Variants in TANC2 observed in about 807,000 individuals in gnomAD.
TANC2 encodes protein TANC2.
TANC2 carries 26 observed loss-of-function variants against 210.5 expected under a neutral mutation model. The ratio of observed to expected loss-of-function variants is 0.12; its 90% CI spans 0.09 to 0.17. The LOEUF is 0.17. TANC2 is among the 10% of genes least tolerant of loss of function. The pLI is 1.00. For synonymous variants in TANC2, 931 were observed against 967.1 expected (o/e 0.96, Z 0.69); for missense variants, 2,129 against 2,608.9 (o/e 0.82, Z 4.01).
At chr17:63,362,467 C>T (rs547620311) in intron 14 of TANC2, among the ~76,000 whole-genome samples, 2 of 152,200 alleles carry the variant, frequency 1.3e-5, no homozygotes, top group African/African-American at 4.8e-5. Context: ...GCCTGTCTGC[C>T]TCCTGCCACC....
chr17:63,022,928 T>A (rs2034409808), intron 2 of TANC2, among the ~76,000 whole-genome samples: 1 of 152,196 alleles, frequency 6.6e-6, no homozygotes. Context: ...GTGCCACAGC[T>A]CCAGAGGACG....
chr17:63,195,635 A>G (rs2041321114), intron 6 of TANC2, among the ~76,000 whole-genome samples: 2 of 152,128 alleles, frequency 1.3e-5, no homozygotes, highest in Non-Finnish European at 2.9e-5. Flanking sequence ...TGTCATTACT[A>G]GGTGCACAGT....
At chr17:63,106,217 C>T (rs985049055) in intron 4 of TANC2, among the ~76,000 whole-genome samples, 1 of 151,504 alleles carries the variant, frequency 6.6e-6, no homozygotes, top group Non-Finnish European at 1.5e-5. Flanking sequence ...AGGGTTATTA[C>T]TTAATTCAAT....
In TANC2 at chr17:63,389,549, T is replaced by A; in HGVS notation, c.3051+5T>A. On this transcript the variant is annotated splice_donor_5th_base_variant and intron_variant, in intron 17 of 27. Transcript: ENST00000689528. ...CTGTGCAAGAAACGGGCCAAGGTAC[T>A]GGCTGCCCAGCTCTGCTGCTTTTCT... 1 of 1,600,076 alleles carries A rather than the reference T, an allele frequency of 6.2e-7. No individual in the cohort carries two copies. Among genetic ancestry groups the A allele is most frequent in the Non-Finnish European group, 8.5e-7 (1 of 1,172,686 alleles).
intron 2 of TANC2, among the ~76,000 whole-genome samples, chr17:63,016,971 C>T (rs2034136948): frequency 6.6e-6 from 1 of 152,084 alleles, no homozygotes; most frequent in South Asian, 2.1e-4. Flanking sequence ...ATGTGATTTG[C>T]AAATGTTTTC....
intron 20 of TANC2, 128 bp downstream of exon 20, chr17:63,405,383 G>C: frequency 9.5e-7 from 1 of 1,054,662 alleles, no homozygotes; most frequent in Non-Finnish European, 1.3e-6. Context: ...TTGAGGACTT[G>C]GACCTTTGTT....
At chr17:63,363,936 C>T (rs570219642) in intron 14 of TANC2, among the ~76,000 whole-genome samples, 3 of 152,358 alleles carry the variant, frequency 2.0e-5, no homozygotes, top group East Asian at 1.9e-4. Flanking sequence ...TAATTCTTCT[C>T]TATCTTCCAC....
intron 27 of TANC2, among the ~76,000 whole-genome samples, 200 bp from the exon 28 acceptor site, chr17:63,419,799 G>A (rs765604680): frequency 7.9e-5 from 12 of 152,090 alleles, no homozygotes; most frequent in Non-Finnish European, 4.4e-5. Context: ...GATGGAGGCC[G>A]AATGGGTTAG....
intron 2 of TANC2, among the ~76,000 whole-genome samples, chr17:63,064,910 C>G (rs1176707576): frequency 1.3e-5 from 2 of 150,902 alleles, no homozygotes; most frequent in Non-Finnish European, 2.9e-5. Flanking sequence ...TATCTGTACT[C>G]TCAGCAATTT....
intron 1 of TANC2, among the ~76,000 whole-genome samples, chr17:62,979,417 C>T (rs572956734): frequency 6.6e-6 from 1 of 152,252 alleles, no homozygotes; most frequent in African/African-American, 2.4e-5. Flanking sequence ...GGCATGCCTT[C>T]ATTGTCTGTA....
At chr17:63,205,422 TAAATA>T (rs1265567229) in intron 7 of TANC2, among the ~76,000 whole-genome samples, 1 of 139,556 alleles carries the variant, frequency 7.2e-6, no homozygotes, top group African/African-American at 2.7e-5. Context: ...TTTTAAGACT[TAAATA>T]GAAAGACATC....
At chr17:63,408,495 C>G (rs967198923) in intron 21 of TANC2, among the ~76,000 whole-genome samples, 7 of 152,236 alleles carry the variant, frequency 4.6e-5, no homozygotes, top group African/African-American at 1.7e-4. Flanking sequence ...TTATCCTACT[C>G]TTTCCTCCAC....
intron 7 of TANC2, among the ~76,000 whole-genome samples, chr17:63,230,471 G>A (rs1172672970): frequency 6.6e-6 from 1 of 152,024 alleles, no homozygotes; most frequent in Non-Finnish European, 1.5e-5. Flanking sequence ...CAGAGATTCT[G>A]GTACATTGCC....
intron 2 of TANC2, among the ~76,000 whole-genome samples, chr17:63,031,953 A>T (rs1381030226): frequency 6.6e-6 from 1 of 152,142 alleles, no homozygotes; most frequent in East Asian, 1.9e-4. Flanking sequence ...ACTTTGAGAA[A>T]TGGGGAAGAG....
chr17:63,206,256 A>G (rs1185269632), intron 7 of TANC2, among the ~76,000 whole-genome samples: 1 of 152,156 alleles, frequency 6.6e-6, no homozygotes, highest in African/African-American at 2.4e-5. Flanking sequence ...GCTGCTGGGA[A>G]TGTAAATGAT....
rs2049150282 is a variant in TANC2 at position 63,426,597 on chromosome 17, G to A, written c.*4642G>A. On this transcript the variant is annotated 3_prime_UTR_variant, in exon 28 of 28. Coordinates refer to ENST00000689528, the Ensembl canonical transcript of TANC2. ...GGTGGCCACAGTCAGAGCTTTGAAA[G>A]TCAGTACCAAATGAACGCATAATTG... is the stretch of plus-strand genomic sequence containing the variant. The A allele has an allele frequency of 3.3e-5, 5 of 152,220 alleles. 1 individual carries two copies. The South Asian group carries it at 1.0e-3, about 31-fold the overall frequency. The allele number at this position is 152,220 out of a possible 1,614,324, so 9.4% of individuals were successfully genotyped here. A position where few individuals can be genotyped will look rare whatever the true frequency, so the allele number is the denominator to read the frequency against.
intron 9 of TANC2, among the ~76,000 whole-genome samples, chr17:63,279,434 G>A (rs1302987921): frequency 6.6e-6 from 1 of 152,042 alleles, no homozygotes; most frequent in Non-Finnish European, 1.5e-5. Flanking sequence ...TCACAGAGTT[G>A]TTATGTCTGA....
In TANC2 at chr17:63,422,172, A is replaced by G. The variant is rs944328369; in HGVS notation, c.*217A>G. 57 of 541,502 alleles carry G rather than the reference A, an allele frequency of 1.1e-4. 1 individual carries two copies. The highest frequency in any genetic ancestry group is 5.6e-4 in the East Asian group (17 of 30,316). 33.5% of individuals were successfully genotyped at this position (541,502 alleles called of 1,614,324 possible). On this transcript the variant is annotated 3_prime_UTR_variant, in exon 28 of 28. Transcript: ENST00000689528. ...GTTTCTCTTGTCTGTGCCCAGCCAC[A>G]TGCTCTCTCCCTCTCTTCAGATGCC...
At chr17:63,219,726 T>A (rs2042117962) in intron 7 of TANC2, among the ~76,000 whole-genome samples, 1 of 152,112 alleles carries the variant, frequency 6.6e-6, no homozygotes, top group Non-Finnish European at 1.5e-5. Flanking sequence ...TGGTTTTTAG[T>A]ATAAATTAAC....
Sources: allele counts gnomAD v4.1 joint callset (sites outside exome capture counted in the v4.1 genomes callset), GRCh38; gene constraint gnomAD v4.1.1; transcripts MANE v1.5; gene names NCBI Gene and HGNC (gene_info 2026-07-23, HGNC 2026-07-21).